Variants in IMPDH1 observed in about 807,000 individuals in gnomAD.
The protein encoded by IMPDH1 is inosine monophosphate dehydrogenase 1.
IMPDH1 carries 41 observed loss-of-function variants against 73.5 expected under a neutral mutation model. That is an observed-to-expected ratio of 0.56 (90% CI 0.43 to 0.72). The LOEUF is 0.72. Ranked by LOEUF, IMPDH1 falls within the 30% of genes least tolerant of loss-of-function variation. The pLI, the probability that IMPDH1 is intolerant of heterozygous loss-of-function variation, is 0.00. For missense variants in IMPDH1, 645 were observed against 824.8 expected (o/e 0.78, Z 2.67); for synonymous variants, 318 against 334.3 (o/e 0.95, Z 0.53).
chr7:128,396,557 G>A lies in IMPDH1; in HGVS notation c.1261+43C>T, dbSNP rs1032668973. 4 of 1,395,494 alleles carry A rather than the reference G, an allele frequency of 2.9e-6. No homozygotes were observed. The highest frequency in any genetic ancestry group is 4.0e-6 in the Non-Finnish European group (4 of 1,006,270). 86.4% of individuals were successfully genotyped at this position (1,395,494 alleles called of 1,614,324 possible). ...ATATACATCTGGGGAACAAAGGCGAGGCCCCGGGGCCAGCGGGCACTCGCT... is the reference window on the plus strand; with the variant it reads ...ATATACATCTGGGGAACAAAGGCGAAGCCCCGGGGCCAGCGGGCACTCGCT... On this transcript the variant is annotated intron_variant, in intron 12 of 16. Transcript: ENST00000338791. This position sits in a 1 kb window ranked among gnomAD's most constrained non-coding sequence, Gnocchi z 4.0.
intron 5 of IMPDH1, 57 bp from the exon 6 acceptor site, chr7:128,401,173 A>G: frequency 3.0e-6 from 4 of 1,323,200 alleles, no homozygotes; most frequent in Non-Finnish European, 4.3e-6. Context: ...ACACTCACTC[A>G]CTGAGCTCCT....
Position 128,409,269 on chromosome 7 carries a change from G to T in IMPDH1, c.254+20C>A. 6.2e-7 allele frequency: 1 copy of T among 1,606,700 alleles called. No homozygotes were observed. Among genetic ancestry groups the T allele is most frequent in the South Asian group, 1.1e-5 (1 of 90,770 alleles). On this transcript the variant is annotated intron_variant, in intron 3 of 16. Coordinates refer to ENST00000338791, the MANE Select transcript of IMPDH1 (RefSeq NM_000883.4). Reference sequence around the variant, plus strand: ...CCTCTCAGATCTCAGTGCATGGTGAGGAGGGGAGAGTGTCCTCACCTAGCC... The same window carrying T: ...CCTCTCAGATCTCAGTGCATGGTGATGAGGGGAGAGTGTCCTCACCTAGCC...
intron 3 of IMPDH1, among the ~76,000 whole-genome samples, chr7:128,408,717 C>A (rs1033653743): frequency 2.0e-5 from 3 of 152,198 alleles, no homozygotes; most frequent in Non-Finnish European, 4.4e-5. Flanking sequence ...CTGTCAAGCC[C>A]CAACCGGCTC....
At chr7:128,409,698 G>T in intron 1 of IMPDH1, 58 bp downstream of exon 1, 1 of 1,523,640 alleles carries the variant, frequency 6.6e-7, no homozygotes, top group Non-Finnish European at 8.8e-7. Context: ...CGGAGCCGCC[G>T]CGCCCTCCTC....
At chr7:128,399,544 T>A in intron 9 of IMPDH1, among the ~76,000 whole-genome samples, 1 of 148,292 alleles carries the variant, frequency 6.7e-6, no homozygotes, top group Admixed American at 6.8e-5. Flanking sequence ...AAAAATTAGC[T>A]GGTATAGTAG....
At chr7:128,402,089 C>T (rs1470109896) in intron 5 of IMPDH1, among the ~76,000 whole-genome samples, 1 of 151,912 alleles carries the variant, frequency 6.6e-6, no homozygotes, top group Non-Finnish European at 1.5e-5. Flanking sequence ...AGATCCTTGC[C>T]GGCCAGGCAG....
Position 128,394,730 on chromosome 7 carries a change from G to T in IMPDH1, c.1551-131C>A. On this transcript the variant is annotated intron_variant, in intron 14 of 16. Transcript: ENST00000338791. This position sits in a 1 kb window ranked among gnomAD's most constrained non-coding sequence, Gnocchi z 5.5. ...CACCCCTCACTGGGCTGAGTCAGAT[G>T]GCCCAGGGACAGATCCTGGGTCTGC... 1 of 1,399,630 alleles carries T rather than the reference G, an allele frequency of 7.1e-7. No individual in the cohort carries two copies. The highest frequency in any genetic ancestry group is 1.0e-6 in the Non-Finnish European group (1 of 1,004,190). The allele number at this position is 1,399,630 out of a possible 1,614,324, so 86.7% of individuals were successfully genotyped here.
chr7:128,396,630 C>A lies in IMPDH1; in HGVS notation c.1231G>T (p.Gly411Cys), dbSNP rs985034353. The A allele has an allele frequency of 1.3e-6, 2 of 1,555,580 alleles. No individual in the cohort carries two copies. The highest frequency in any genetic ancestry group is 1.7e-6 in the Non-Finnish European group (2 of 1,148,992). ...TGGGTGATGCAGATGGAGCCGCAGC[C>A]CATGCCCACGCGCAGCCCGTCCACA... ...AGVDGLRVGM[G>C]CGSICITQEV... Residue 411 changes from glycine to cysteine, a missense_variant, in exon 12 of 17, where the codon GGC becomes TGC. Physicochemically the swap from Gly to Cys is radical, Grantham distance 159 (BLOSUM62 -3). Coordinates refer to ENST00000338791, the MANE Select transcript of IMPDH1 (RefSeq NM_000883.4). The surrounding 1 kb of genome is among the most constrained non-coding windows in gnomAD (Gnocchi z 4.0).
At position 128,404,091 on chromosome 7, in the gene IMPDH1, CTG is replaced by C. The variant is rs1178073667; in HGVS notation, c.354-339_354-338del. Among the ~76,000 whole-genome samples, 6 of 152,346 alleles carry C rather than the reference CTG, an allele frequency of 3.9e-5. No homozygotes were observed. The East Asian group carries it at 1.2e-3, about 29-fold the overall frequency. ...TCGCCACACACAGCAGACACAGTGC[CTG>C]CCTTTGAAAACTTCTCAATCTTGAT... On this transcript the variant is annotated intron_variant, in intron 4 of 16. Coordinates refer to ENST00000338791, the MANE Select transcript of IMPDH1 (RefSeq NM_000883.4).
At chr7:128,408,042 T>C (rs1798891527) in intron 3 of IMPDH1, among the ~76,000 whole-genome samples, 7 of 152,122 alleles carry the variant, frequency 4.6e-5, no homozygotes, top group Admixed American at 4.6e-4. Context: ...ACCCCCACTC[T>C]CATACACCCT....
At position 128,403,320 on chromosome 7, in the gene IMPDH1, G is replaced by A. The variant is rs1355149829; in HGVS notation, c.402+386C>T. Among the ~76,000 whole-genome samples, 12 of 152,318 alleles carry A rather than the reference G, an allele frequency of 7.9e-5. No homozygotes were observed. In the East Asian group the frequency reaches 2.3e-3, roughly 29 times the overall value. On this transcript the variant is annotated intron_variant, in intron 5 of 16. Transcript: ENST00000338791. Reference sequence around the variant, plus strand: ...CCCCTGTAATCACAGCGTCTTCGGAGGCTGAGGCGGACGGATCACTTGAGC... The same window carrying A: ...CCCCTGTAATCACAGCGTCTTCGGAAGCTGAGGCGGACGGATCACTTGAGC...
At chr7:128,405,404 C>T (rs551582880) in intron 4 of IMPDH1, among the ~76,000 whole-genome samples, 72 of 152,344 alleles carry the variant, frequency 4.7e-4, no homozygotes, top group Non-Finnish European at 8.2e-4. Flanking sequence ...GGACCCTCTG[C>T]CCTCGTGGTG....
chr7:128,402,279 T>C (rs1451839928), intron 5 of IMPDH1, among the ~76,000 whole-genome samples: 1 of 152,072 alleles, frequency 6.6e-6, no homozygotes, highest in African/African-American at 2.4e-5. Context: ...ATTTTTGCAT[T>C]TTTAGTAGAG....
At chr7:128,409,209 C>G in intron 3 of IMPDH1, 80 bp downstream of exon 3, 1 of 1,303,752 alleles carries the variant, frequency 7.7e-7, no homozygotes, top group Non-Finnish European at 1.1e-6. Context: ...GGGCCTGCGT[C>G]TTCGGAGAGA....
rs1352187576 is a variant in IMPDH1 at position 128,409,832 on chromosome 7, G to A, written c.70C>T (p.Arg24Trp). 6.7e-7 allele frequency: 1 copy of A among 1,495,726 alleles called. No homozygotes were observed. The allele number at this position is 1,495,726 out of a possible 1,614,324, so 92.7% of individuals were successfully genotyped here. A position where few individuals can be genotyped will look rare whatever the true frequency, so the allele number is the denominator to read the frequency against. The change falls in exon 1 of 17, where the codon CGG (arginine) becomes TGG (tryptophan). Residue 24 changes from arginine (R) to tryptophan (W), a missense_variant. By Grantham distance (101) the Arg-to-Trp change is moderately radical. Transcript: ENST00000338791. ...GAAAVPEPGA[R>W]QHPGHETAAQ... Reference sequence around the variant, plus strand: ...GCCGTCTCGTGTCCCGGGTGTTGCCGGGCTCCGGGCTCCGGAACAGCGGCG... The same window carrying A: ...GCCGTCTCGTGTCCCGGGTGTTGCCAGGCTCCGGGCTCCGGAACAGCGGCG...
chr7:128,409,711 C>A, intron 1 of IMPDH1, 45 bp downstream of exon 1: 1 of 1,523,378 alleles, frequency 6.6e-7, no homozygotes, highest in South Asian at 1.2e-5. Context: ...CCCTCCTCGG[C>A]CGCCCGCCCC....
In IMPDH1 at chr7:128,398,638, T is replaced by C; in HGVS notation, c.875-25A>G. On this transcript the variant is annotated intron_variant, in intron 9 of 16. Coordinates refer to ENST00000338791, the MANE Select transcript of IMPDH1 (RefSeq NM_000883.4). The surrounding 1 kb of genome is among the most constrained non-coding windows in gnomAD (Gnocchi z 4.3). ...CCTGACAAGGAATGCAGGGGTGAAA[T>C]GAAGCAGGCTTGGTGGGGAGAAGTT... 6.3e-7 allele frequency: 1 copy of C among 1,595,472 alleles called. No homozygotes were observed. Among genetic ancestry groups the C allele is most frequent in the Non-Finnish European group, 8.6e-7 (1 of 1,164,172 alleles).
In IMPDH1 at chr7:128,400,385, G is replaced by A; in HGVS notation, c.734C>T (p.Ser245Phe). Residue 245 changes from serine to phenylalanine, a missense_variant, in exon 8 of 17, where the codon TCC (serine) becomes TTC (phenylalanine). By Grantham distance (155) the Ser-to-Phe change is radical (BLOSUM62 -2). Transcript: ENST00000338791. ...CTCAGCAAGAAAGTCGATGTCTCGG[G>A]AGGTGACGATGCCCACCAGCTTGCT... ...MGSKLVGIVT[S>F]RDIDFLAEKD... The A allele has an allele frequency of 6.2e-7, 1 of 1,613,040 alleles. No homozygotes were observed. The highest frequency in any genetic ancestry group is 8.5e-7 in the Non-Finnish European group (1 of 1,179,848).
At position 128,405,797 on chromosome 7, in the gene IMPDH1, A is replaced by G; in HGVS notation, c.323T>C (p.Leu108Pro). The change falls in exon 4 of 17, where the codon CTC (leucine) becomes CCC (proline). Residue 108 changes from leucine (L) to proline (P), a missense_variant. Physicochemically the swap from Leu to Pro is moderately conservative, Grantham distance 98. This residue lies in a region of IMPDH1 where 186 missense variants were observed against 186.6 expected (regional missense o/e 1.00). Coordinates refer to ENST00000338791, the MANE Select transcript of IMPDH1 (RefSeq NM_000883.4). ...GGTGAGGCCGTCGGCGCTGGCGAAG[A>G]GCTGCTGCGCGGTGAGCCCATCCTC... ...VPEDGLTAQQ[L>P]FASADGLTYN... 6.5e-7 allele frequency: 1 copy of G among 1,542,708 alleles called. No individual in the cohort carries two copies. Among genetic ancestry groups the G allele is most frequent in the Non-Finnish European group, 8.7e-7 (1 of 1,145,736 alleles).
Sources: gnomAD v4.1 joint callset for allele counts (sites outside exome capture counted in the v4.1 genomes callset) on GRCh38, gnomAD v4.1.1 for gene constraint, gnomAD v4.1.1 regional missense constraint, Gnocchi (gnomAD v3.1) non-coding constraint, MANE v1.5 for transcripts, NCBI Gene and HGNC (gene_info 2026-07-23, HGNC 2026-07-21) for gene names.